Variants in USP26 observed in about 807,000 individuals in gnomAD.
USP26 encodes the protein ubiquitin carboxyl-terminal hydrolase 26.
For missense variants in USP26, 649 were observed against 642.3 expected, an observed-to-expected ratio of 1.01 and a Z score of -0.11; for synonymous variants, 236 against 240.6, an observed-to-expected ratio of 0.98 and a Z score of 0.18.
At chrX:133,045,979 G>A (rs1168016973) in intron 5 of USP26, 1 of 112,288 alleles carries the variant, frequency 8.9e-6, no homozygotes, top group Non-Finnish European at 1.9e-5. Flanking sequence ...CAACTACGGA[G>A]TAGTGGGTAA....
chrX:133,070,234 T>C (rs755913749), intron 5 of USP26, among the ~76,000 whole-genome samples: 4 of 112,287 alleles, frequency 3.6e-5, no homozygotes, highest in Admixed American at 9.5e-5. Flanking sequence ...TTGATCTTTA[T>C]CAGAAACCCA....
intron 5 of USP26, among the ~76,000 whole-genome samples, chrX:133,079,850 T>A (rs1282767044): frequency 9.0e-6 from 1 of 111,326 alleles, no homozygotes; most frequent in Non-Finnish European, 1.9e-5. Context: ...AAAATTAAGA[T>A]AAAAAATATA....
chrX:133,057,529 T>G (rs1024083799), intron 5 of USP26, among the ~76,000 whole-genome samples: 1 of 110,685 alleles, frequency 9.0e-6, no homozygotes, highest in Non-Finnish European at 1.9e-5. Context: ...TAGGATTAAA[T>G]TGTTCTTCTT....
At position 133,023,720 on chromosome X, in the gene USP26, T is replaced by G. The variant is rs2067333952; in HGVS notation, c.*1759A>C. Among the ~76,000 whole-genome samples, 1 of 111,878 alleles carries G rather than the reference T, an allele frequency of 8.9e-6. No individual in the cohort carries two copies. Among genetic ancestry groups the G allele is most frequent in the Admixed American group, 9.5e-5 (1 of 10,513 alleles). The stretch of plus-strand genomic sequence containing the variant: ...AGACCTCCTTCTAGATAAACTGTGT[T>G]CTGAATACAATCTCCAAACTTTGGA... On this transcript the variant is annotated 3_prime_UTR_variant, in exon 6 of 6. Transcript: ENST00000511190.
In USP26 at chrX:133,026,654, G is replaced by A. The variant is rs777822476; in HGVS notation, c.1567C>T (p.Arg523Cys). Residue 523 changes from arginine to cysteine, a missense_variant, in exon 6 of 6, where the codon CGC (arginine) becomes TGC (cysteine). Coordinates refer to ENST00000511190, the MANE Select transcript of USP26 (RefSeq NM_031907.3). ...GCACAAAACTCATTCAAGCTATAGC[G>A]TTTGAGGTGAACAATAAGGATTCTA... Reference protein sequence around the residue: ...LPRILIVHLKRYSLNEFCALK... With the variant: ...LPRILIVHLKCYSLNEFCALK... 9 of 1,206,558 alleles carry A rather than the reference G, an allele frequency of 7.5e-6. No homozygotes were observed. The highest frequency in any genetic ancestry group is 7.1e-5 in the African/African-American group (4 of 56,486).
chrX:133,089,075 T>C (rs1184156520), intron 4 of USP26, among the ~76,000 whole-genome samples: 4 of 110,366 alleles, frequency 3.6e-5, no homozygotes, highest in Non-Finnish European at 7.6e-5. Context: ...CTTTGAAATG[T>C]CAATGTGCTA....
intron 5 of USP26, among the ~76,000 whole-genome samples, chrX:133,041,900 G>T (rs919208104): frequency 5.3e-5 from 6 of 112,306 alleles, no homozygotes; most frequent in African/African-American, 1.9e-4. Flanking sequence ...TCCTCCAAAG[G>T]TGCCCTGCCC....
chrX:133,083,815 T>C (rs1039505491), intron 4 of USP26, 44 bp from the exon 5 acceptor site: 10 of 111,793 alleles, frequency 8.9e-5, no homozygotes, highest in African/African-American at 3.3e-4. Context: ...GAAGTTGCTC[T>C]AAGCAGCAGT....
At chrX:133,066,255 C>G (rs758362848) in intron 5 of USP26, among the ~76,000 whole-genome samples, 22 of 111,905 alleles carry the variant, frequency 2.0e-4, no homozygotes, top group Non-Finnish European at 3.6e-4. Flanking sequence ...AAATTCCACA[C>G]TCATGGATAG....
chrX:133,039,882 G>T (rs1044950104), intron 5 of USP26, among the ~76,000 whole-genome samples: 28 of 111,410 alleles, frequency 2.5e-4, no homozygotes, highest in African/African-American at 8.5e-4. Context: ...CTCCTGTATC[G>T]GGTGCATATA....
intron 4 of USP26, among the ~76,000 whole-genome samples, chrX:133,084,030 A>G (rs750417263): frequency 5.4e-5 from 6 of 111,006 alleles, no homozygotes; most frequent in Non-Finnish European, 9.4e-5. Flanking sequence ...CAGGTCTTCT[A>G]TTTGAGAAAT....
intron 5 of USP26, among the ~76,000 whole-genome samples, chrX:133,058,562 C>T (rs1388590317): frequency 9.0e-6 from 1 of 111,694 alleles, no homozygotes; most frequent in Non-Finnish European, 1.9e-5. Context: ...ATTCCATGTT[C>T]TGAAGTTTGC....
intron 5 of USP26, among the ~76,000 whole-genome samples, chrX:133,074,783 T>C (rs1231350186): frequency 4.4e-5 from 5 of 112,478 alleles, no homozygotes; most frequent in Non-Finnish European, 9.4e-5. Context: ...AGCCTGAATG[T>C]AGAATTATTC....
Position 133,026,764 on chromosome X carries a change from A to G in USP26, c.1457T>C (p.Phe486Ser). 2.5e-6 allele frequency: 3 copies of G among 1,211,207 alleles called. No individual in the cohort carries two copies. The highest frequency in any genetic ancestry group is 3.4e-6 in the Non-Finnish European group (3 of 895,377). The change falls in exon 6 of 6, where the codon TTT becomes TCT. Residue 486 changes from phenylalanine (F) to serine (S), a missense_variant. Coordinates refer to ENST00000511190, the MANE Select transcript of USP26 (RefSeq NM_031907.3). ...PSSIQSTFDL[F>S]FGAEELEYKC... ...ATACTCAAGCTCTTCTGCTCCAAAA[A>G]AAAGATCAAAAGTAGACTGAATAGA...
chrX:133,053,627 T>C (rs930492849), intron 5 of USP26, among the ~76,000 whole-genome samples: 7 of 107,471 alleles, frequency 6.5e-5, no homozygotes, highest in Non-Finnish European at 1.3e-4. Context: ...AAGCAAAGAG[T>C]ATAGGATTAA....
At chrX:133,045,854 AT>A (rs1454648928) in intron 5 of USP26, 1 of 114,473 alleles carries the variant, frequency 8.7e-6, no homozygotes, top group Non-Finnish European at 1.8e-5. Context: ...GGACACAATA[AT>A]AAAAAACAGT....
intron 1 of USP26, among the ~76,000 whole-genome samples, chrX:133,094,393 T>C (rs2067620135): frequency 9.1e-6 from 1 of 109,608 alleles, no homozygotes; most frequent in African/African-American, 3.3e-5. Context: ...CTGTCCTCCT[T>C]ATTCTTAAAT....
rs1406924650 is a variant in USP26 at position 133,025,427 on chromosome X, G to A, written c.*52C>T. 5 of 1,205,526 alleles carry A rather than the reference G, an allele frequency of 4.1e-6. No homozygotes were observed. Among genetic ancestry groups the A allele is most frequent in the Non-Finnish European group, 5.6e-6 (5 of 893,671 alleles). On this transcript the variant is annotated 3_prime_UTR_variant, in exon 6 of 6. Coordinates refer to ENST00000511190, the MANE Select transcript of USP26 (RefSeq NM_031907.3). The stretch of plus-strand genomic sequence containing the variant: ...ACAGTTTTCCTTCCATGGAGGAAGT[G>A]GTATCGAGTGAGACAGTCAGGCAGA...
intron 1 of USP26, among the ~76,000 whole-genome samples, chrX:133,095,488 AT>A (rs757704456): frequency 8.9e-5 from 10 of 112,619 alleles, no homozygotes; most frequent in Non-Finnish European, 1.9e-4. Flanking sequence ...AAATAAAATT[AT>A]ACCAAATAGG....
Sources: allele counts gnomAD v4.1 joint callset (sites outside exome capture counted in the v4.1 genomes callset), GRCh38; gene constraint gnomAD v4.1.1; transcripts MANE v1.5; gene names NCBI Gene and HGNC (gene_info 2026-07-23, HGNC 2026-07-21).